The following TRPM3 variants were observed in gnomAD, a reference collection of about 807,000 sequenced individuals.
TRPM3 encodes the protein transient receptor potential cation channel subfamily M member 3.
A neutral mutation model predicts 181.2 loss-of-function variants in TRPM3; 77 were observed. That is an observed-to-expected ratio of 0.42 (90% CI 0.35 to 0.51). The LOEUF is 0.51. Ranked by LOEUF, TRPM3 falls within the 20% of genes least tolerant of loss-of-function variation. TRPM3 has a pLI of 0.01. For synonymous variants in TRPM3, 745 were observed against 796.4 expected (o/e 0.94, Z 1.09); for missense variants, 1,759 against 2,196.7 (o/e 0.80, Z 3.98).
intron 1 of TRPM3, among the ~76,000 whole-genome samples, chr9:70,981,563 AC>A (rs2097363809): frequency 1.3e-5 from 2 of 152,142 alleles, no homozygotes; most frequent in African/African-American, 4.8e-5. Context: ...TGGCTCCATC[AC>A]TTTAGGCACC....
intron 7 of TRPM3, among the ~76,000 whole-genome samples, chr9:70,777,808 C>G (rs1377512605): frequency 1.3e-5 from 2 of 151,990 alleles, no homozygotes; most frequent in Non-Finnish European, 2.9e-5. Context: ...CAAAAAATAC[C>G]TAAGTGATTG....
At chr9:70,869,123 C>T (rs1044648794) in intron 1 of TRPM3, 83 of 904,380 alleles carry the variant, frequency 9.2e-5, no homozygotes, top group African/African-American at 3.1e-4. Context: ...GTCACTTGTT[C>T]GGCTCTTCCC....
chr9:70,693,174 C>A (rs975787580), intron 8 of TRPM3, among the ~76,000 whole-genome samples: 2 of 152,176 alleles, frequency 1.3e-5, no homozygotes, highest in Non-Finnish European at 2.9e-5. Context: ...GCTTTCAATC[C>A]TTTTCCTGGC....
At chr9:71,311,872 T>C (rs543177366) in intron 1 of TRPM3, among the ~76,000 whole-genome samples, 1 of 152,190 alleles carries the variant, frequency 6.6e-6, no homozygotes. Flanking sequence ...TAAGAAAGTT[T>C]ACTAATTTTT....
chr9:70,869,196 C>T (rs555126940), intron 1 of TRPM3: 10 of 266,362 alleles, frequency 3.8e-5, no homozygotes, highest in African/African-American at 1.8e-4. Flanking sequence ...TGTGCTGCTT[C>T]GGGATTAGCC....
intron 7 of TRPM3, among the ~76,000 whole-genome samples, chr9:70,770,780 A>G (rs988301573): frequency 3.9e-5 from 6 of 152,224 alleles, no homozygotes; most frequent in African/African-American, 1.4e-4. Context: ...TTCCTGGCAC[A>G]TAGGTGTTAA....
rs77861196 is a variant in TRPM3 at position 70,879,754 on chromosome 9, T to C, written c.178-15243A>G. Among the ~76,000 whole-genome samples the C allele has an allele frequency of 4.6e-3, 697 of 152,286 alleles. 4 individuals are homozygous for C. The highest frequency in any genetic ancestry group is 0.016 in the African/African-American group (666 of 41,564). ...ATTAATGGAACACCTTGCTCTTTTA[T>C]TTTCCTAACATGTTTTGCATAAATG... On this transcript the variant is annotated intron_variant, in intron 1 of 25. Transcript: ENST00000677713.
intron 1 of TRPM3, among the ~76,000 whole-genome samples, chr9:70,955,820 G>C (rs1433763245): frequency 1.3e-5 from 2 of 152,098 alleles, no homozygotes; most frequent in Non-Finnish European, 2.9e-5. Flanking sequence ...TCAATGTTTT[G>C]AACCCCACCC....
chr9:71,327,124 T>G lies in TRPM3; in HGVS notation c.183+119529A>C, dbSNP rs1320706818. 2.0e-5 allele frequency among the ~76,000 whole-genome samples: 3 copies of G among 152,380 alleles called. No homozygotes were observed. In the East Asian group the frequency reaches 5.8e-4, roughly 29 times the overall value. The stretch of plus-strand genomic sequence containing the variant: ...TAGGATCTGCTGTTTGGAGTTAGGC[T>G]GCTCCTCCATCTTCCTTGGACCACG... On this transcript the variant is annotated intron_variant, in intron 1 of 24. Coordinates refer to the TRPM3 transcript ENST00000357533.
intron 8 of TRPM3, among the ~76,000 whole-genome samples, chr9:70,742,526 C>T (rs2074354953): frequency 6.6e-6 from 1 of 152,078 alleles, no homozygotes; most frequent in African/African-American, 2.4e-5. Context: ...GAACTTATTC[C>T]CCCTACCTAA....
chr9:71,174,226 G>A (rs1277096729), intron 1 of TRPM3, among the ~76,000 whole-genome samples: 6 of 152,158 alleles, frequency 3.9e-5, no homozygotes, highest in Non-Finnish European at 1.5e-5. Context: ...AAATTAAGTT[G>A]AAATGCCCAG....
intron 9 of TRPM3, among the ~76,000 whole-genome samples, chr9:70,649,391 G>A (rs2059326645): frequency 6.6e-6 from 1 of 152,086 alleles, no homozygotes; most frequent in Non-Finnish European, 1.5e-5. Flanking sequence ...GTTTTGCCAT[G>A]TTGGCCGAGT....
At chr9:70,942,284 C>A (rs2096893512) in intron 1 of TRPM3, among the ~76,000 whole-genome samples, 1 of 152,184 alleles carries the variant, frequency 6.6e-6, no homozygotes, top group African/African-American at 2.4e-5. Flanking sequence ...TACACACATA[C>A]CTGCAAACAC....
intron 1 of TRPM3, among the ~76,000 whole-genome samples, chr9:71,244,947 T>C (rs1298048072): frequency 1.3e-5 from 2 of 152,110 alleles, no homozygotes; most frequent in African/African-American, 4.8e-5. Context: ...GTATTCAAAA[T>C]GGAACTTGAA....
intron 8 of TRPM3, chr9:70,761,207 G>A (rs1219197775): frequency 3.6e-6 from 2 of 561,546 alleles, no homozygotes; most frequent in Non-Finnish European, 6.3e-6. Context: ...TGGACCCTTT[G>A]TCATTAAAGC....
intron 8 of TRPM3, among the ~76,000 whole-genome samples, chr9:70,694,480 T>G (rs2069597627): frequency 6.6e-6 from 1 of 152,100 alleles, no homozygotes; most frequent in Non-Finnish European, 1.5e-5. Flanking sequence ...GATGGTACCA[T>G]ATGAAAATCT....
chr9:70,629,212 T>G, intron 12 of TRPM3, among the ~76,000 whole-genome samples: 1 of 808 alleles, frequency 1.2e-3, no homozygotes, highest in African/African-American at 1.6e-3. Context: ...CTGTGACCAG[T>G]GCCGGGGGGG....
intron 1 of TRPM3, among the ~76,000 whole-genome samples, chr9:70,952,147 A>ATATTTG (rs1381645554): frequency 6.6e-6 from 1 of 152,166 alleles, no homozygotes; most frequent in Non-Finnish European, 1.5e-5. Context: ...TAAGACTCTA[A>ATATTTG]TATTTGATGA....
At chr9:70,876,253 A>T (rs1315951779) in intron 1 of TRPM3, among the ~76,000 whole-genome samples, 2 of 151,072 alleles carry the variant, frequency 1.3e-5, no homozygotes, top group Non-Finnish European at 3.0e-5. Flanking sequence ...CCTAGAAGAC[A>T]CTAATATATA....
Sources: allele counts gnomAD v4.1 joint callset (sites outside exome capture counted in the v4.1 genomes callset), GRCh38; gene constraint gnomAD v4.1.1; transcripts MANE v1.5; gene names NCBI Gene and HGNC (gene_info 2026-07-23, HGNC 2026-07-21).